The following ACOXL variants were observed in gnomAD, a reference collection of about 807,000 sequenced individuals.
The protein encoded by ACOXL is acyl-CoA oxidase like.
A neutral mutation model predicts 71.9 loss-of-function variants in ACOXL; 70 were observed. That is an observed-to-expected ratio of 0.97 (90% CI 0.80 to 1.19). The LOEUF is 1.19. Among genes scored for constraint, ACOXL ranks in the 50% most tolerant of loss-of-function variants. The pLI is 0.00. For missense variants in ACOXL, 703 were observed against 736.3 expected (o/e 0.95, Z 0.52); for synonymous variants, 253 against 281.6 (o/e 0.90, Z 1.02).
chr2:110,803,043 A>C (rs555790176), intron 8 of ACOXL, among the ~76,000 whole-genome samples: 33 of 152,314 alleles, frequency 2.2e-4, no homozygotes, highest in African/African-American at 7.7e-4. Context: ...AAAGAAAAAG[A>C]AAAAAACTTA....
At chr2:110,970,702 C>G (rs1462733478) in intron 12 of ACOXL, among the ~76,000 whole-genome samples, 1 of 152,102 alleles carries the variant, frequency 6.6e-6, no homozygotes, top group East Asian at 1.9e-4. Flanking sequence ...GACAAAGTTG[C>G]AAAAGCAATC....
intron 10 of ACOXL, among the ~76,000 whole-genome samples, chr2:110,846,928 C>A (rs893354762): frequency 6.6e-6 from 1 of 152,142 alleles, no homozygotes; most frequent in Admixed American, 6.5e-5. Context: ...TGACTGCCTG[C>A]GCGCTTAACA....
At chr2:111,014,113 A>C (rs909580844) in intron 14 of ACOXL, among the ~76,000 whole-genome samples, 2 of 152,212 alleles carry the variant, frequency 1.3e-5, no homozygotes, top group African/African-American at 4.8e-5. Flanking sequence ...AAGAACCTAC[A>C]GCTAACCTCA....
At chr2:110,829,280 C>T (rs1160713335) in intron 9 of ACOXL, among the ~76,000 whole-genome samples, 1 of 152,146 alleles carries the variant, frequency 6.6e-6, no homozygotes, top group East Asian at 1.9e-4. Context: ...GTTTGGAGTG[C>T]CAGTGCATGA....
Position 110,793,976 on chromosome 2 carries a change from C to T in ACOXL, c.247-100C>T. 4 of 1,243,406 alleles carry T rather than the reference C, an allele frequency of 3.2e-6. No homozygotes were observed. In the South Asian group the frequency reaches 3.9e-5, roughly 12 times the overall value. The allele number at this position is 1,243,406 out of a possible 1,614,324, so 77.0% of individuals were successfully genotyped here. A position where few individuals can be genotyped will look rare whatever the true frequency, so the allele number is the denominator to read the frequency against. On this transcript the variant is annotated intron_variant, in intron 4 of 17. Coordinates refer to ENST00000439055, the MANE Select transcript of ACOXL (RefSeq NM_001142807.4). ...CATTTTTATAATTTTCTCCAACCCACCTGTCCCTCTCTCACCACCATTCTT... is the reference window on the plus strand; with the variant it reads ...CATTTTTATAATTTTCTCCAACCCATCTGTCCCTCTCTCACCACCATTCTT...
At chr2:110,737,879 T>C (rs1677061812) in intron 1 of ACOXL, among the ~76,000 whole-genome samples, 1 of 152,234 alleles carries the variant, frequency 6.6e-6, no homozygotes, top group Admixed American at 6.5e-5. Flanking sequence ...TGGTTACCCT[T>C]TGTAGAAGCT....
intron 10 of ACOXL, among the ~76,000 whole-genome samples, chr2:110,845,389 C>T (rs997519925): frequency 1.3e-5 from 2 of 152,294 alleles, no homozygotes; most frequent in East Asian, 1.9e-4. Flanking sequence ...AATATCATCA[C>T]GTTGGCCGTT....
chr2:110,926,640 G>A (rs1387082603), intron 11 of ACOXL, among the ~76,000 whole-genome samples: 7 of 152,116 alleles, frequency 4.6e-5, no homozygotes, highest in East Asian at 1.9e-4. Flanking sequence ...TTAGGGTCTG[G>A]AGGATAATAA....
At chr2:111,094,125 T>TTAGACATATTAATAAACAATAAAGAC (rs1429869572) in intron 17 of ACOXL, 39 of 152,320 alleles carry the variant, frequency 2.6e-4, no homozygotes, top group African/African-American at 8.9e-4. Flanking sequence ...CATGGAGTAC[T>TTAGACATATTAATAAACAATAAAGAC]TAGACATATT....
chr2:110,885,982 C>T (rs908517422), intron 10 of ACOXL, among the ~76,000 whole-genome samples: 4 of 152,134 alleles, frequency 2.6e-5, no homozygotes, highest in Non-Finnish European at 5.9e-5. Context: ...ATATGTTTCT[C>T]AAATCAATCC....
At chr2:110,852,511 A>G (rs1227241114) in intron 10 of ACOXL, among the ~76,000 whole-genome samples, 1 of 152,188 alleles carries the variant, frequency 6.6e-6, no homozygotes, top group African/African-American at 2.4e-5. Flanking sequence ...AGAGTTCTAA[A>G]TCTGCCTCCC....
chr2:111,116,150 T>C lies in ACOXL; in HGVS notation c.1543-1466T>C, dbSNP rs1054534781. On this transcript the variant is annotated intron_variant, in intron 17 of 17. Coordinates refer to ENST00000439055, the MANE Select transcript of ACOXL (RefSeq NM_001142807.4). ...AGGGGCTGTGTACGCCACCTCATGG[T>C]TTTGAACTGTGTGGTTAAAGACGTT... 4.6e-5 allele frequency among the ~76,000 whole-genome samples: 7 copies of C among 152,204 alleles called. No individual in the cohort carries two copies. The South Asian group carries it at 1.2e-3, about 27-fold the overall frequency.
intron 14 of ACOXL, among the ~76,000 whole-genome samples, chr2:111,012,431 T>G (rs186070017): frequency 6.6e-6 from 1 of 152,352 alleles, no homozygotes; most frequent in Admixed American, 6.5e-5. Flanking sequence ...GGAATCAGAC[T>G]TACAGTATCT....
At position 110,736,651 on chromosome 2, in the gene ACOXL, G is replaced by C. The variant is rs528598940; in HGVS notation, c.-23+3877G>C. On this transcript the variant is annotated intron_variant, in intron 1 of 17. Transcript: ENST00000439055. ...TTTTTTTTTTTTGAGACGGAGTCTC[G>C]CTCTGTGGCCCAGGCTGGAGTGCAG... Among the ~76,000 whole-genome samples the C allele has an allele frequency of 1.2e-3, 167 of 136,668 alleles. 1 individual carries two copies. Among genetic ancestry groups the C allele is most frequent in the African/African-American group, 4.6e-3 (163 of 35,694 alleles). The allele number at this position is 136,668 out of a possible 152,430, so 89.7% of individuals were successfully genotyped here. A position where few individuals can be genotyped will look rare whatever the true frequency, so the allele number is the denominator to read the frequency against.
chr2:110,808,871 A>G (rs1686977928), intron 9 of ACOXL, among the ~76,000 whole-genome samples: 1 of 152,220 alleles, frequency 6.6e-6, no homozygotes, highest in Non-Finnish European at 1.5e-5. Context: ...TCACTAGCCT[A>G]AAAGCTCCAC....
intron 16 of ACOXL, among the ~76,000 whole-genome samples, chr2:111,063,220 C>G (rs184602539): frequency 1.3e-5 from 2 of 152,232 alleles, no homozygotes; most frequent in Admixed American, 1.3e-4. Context: ...TCCATCAGTT[C>G]TTCACAATAT....
intron 14 of ACOXL, among the ~76,000 whole-genome samples, chr2:111,026,127 A>G (rs1212517235): frequency 1.3e-5 from 2 of 152,170 alleles, no homozygotes; most frequent in Non-Finnish European, 2.9e-5. Context: ...TCATGTTTCT[A>G]TCCTTACCCC....
At chr2:111,035,600 C>G (rs1317007524) in intron 15 of ACOXL, among the ~76,000 whole-genome samples, 1 of 152,188 alleles carries the variant, frequency 6.6e-6, no homozygotes, top group Non-Finnish European at 1.5e-5. Context: ...AGTCCTCTTT[C>G]TGGTTCTTAA....
At chr2:111,008,212 T>C (rs9941571) in intron 14 of ACOXL, among the ~76,000 whole-genome samples, 2,923 of 152,366 alleles carry the variant, frequency 0.019, 87 homozygotes, top group African/African-American at 0.067. Context: ...CATTTTACTT[T>C]GGGTTTCCTC....
Sources: allele counts gnomAD v4.1 joint callset (sites outside exome capture counted in the v4.1 genomes callset), GRCh38; gene constraint gnomAD v4.1.1; transcripts MANE v1.5; gene names NCBI Gene and HGNC (gene_info 2026-07-23, HGNC 2026-07-21).